RAD54B: variants seen among roughly 807,000 people sequenced by gnomAD.
RAD54B encodes DNA repair and recombination protein RAD54B.
RAD54B carries 78 observed loss-of-function variants against 95.8 expected under a neutral mutation model. That is an observed-to-expected ratio of 0.81 (90% confidence interval 0.68 to 0.98). The LOEUF (loss-of-function observed/expected upper bound fraction) is 0.98. RAD54B is among the 50% of genes least tolerant of loss of function. RAD54B has a pLI of 0.00. For missense variants in RAD54B, 957 were observed against 1,056.6 expected (o/e 0.91, Z 1.31); for synonymous variants, 328 against 354.9 (o/e 0.92, Z 0.85).
In RAD54B at chr8:94,378,279, C is replaced by A; in HGVS notation, c.2416G>T (p.Val806Leu). The change falls in exon 14 of 15, where the codon GTA (valine) becomes TTA (leucine). Residue 806 changes from valine to leucine, a missense_variant. By Grantham distance (32) the Val-to-Leu change is conservative. Coordinates refer to ENST00000336148, the MANE Select transcript of RAD54B (RefSeq NM_012415.3). ...GTGAACAAATTTTTAAGTTCTTCTA[C>A]TGAAAACTGAATATGTTCAGATGTC... ...TKTSEHIQFS[V>L]EELKNLFTLH... The A allele has an allele frequency of 6.2e-7, 1 of 1,613,708 alleles. No individual in the cohort carries two copies. The highest frequency in any genetic ancestry group is 8.5e-7 in the Non-Finnish European group (1 of 1,179,830).
At chr8:94,391,377 G>A (rs1811013772) in intron 10 of RAD54B, among the ~76,000 whole-genome samples, 1 of 150,592 alleles carries the variant, frequency 6.6e-6, no homozygotes, top group Non-Finnish European at 1.5e-5. Context: ...AACTATAGAA[G>A]GCAGTACCTC....
intron 14 of RAD54B, among the ~76,000 whole-genome samples, chr8:94,374,649 A>G (rs1318425832): frequency 6.6e-6 from 1 of 152,138 alleles, no homozygotes; most frequent in East Asian, 1.9e-4. Context: ...GACAAAATGA[A>G]AGCAAAAGGC....
At chr8:94,432,081 G>A in intron 3 of RAD54B, 1 of 1,486,788 alleles carries the variant, frequency 6.7e-7, no homozygotes, top group Non-Finnish European at 8.9e-7. Context: ...CCAAATTAAA[G>A]TAATTTGGCC....
chr8:94,372,071 A>G lies in RAD54B; in HGVS notation c.*99T>C. 1 of 1,470,630 alleles carries G rather than the reference A, an allele frequency of 6.8e-7. No homozygotes were observed. Among genetic ancestry groups the G allele is most frequent in the Non-Finnish European group, 9.0e-7 (1 of 1,116,912 alleles). The allele number at this position is 1,470,630 out of a possible 1,614,324, so 91.1% of individuals were successfully genotyped here. ...AAAAGTGATATATTTTGCAACATAT[A>G]CTGTAATTTAAATAATTCTATTAAT... is the stretch of plus-strand genomic sequence containing the variant. On this transcript the variant is annotated 3_prime_UTR_variant, in exon 15 of 15. Coordinates refer to ENST00000336148, the MANE Select transcript of RAD54B (RefSeq NM_012415.3).
At position 94,393,757 on chromosome 8, in the gene RAD54B, G is replaced by T. The variant is rs774551093; in HGVS notation, c.1504C>A (p.Pro502Thr). 2.5e-6 allele frequency: 4 copies of T among 1,579,900 alleles called. No homozygotes were observed. The highest frequency in any genetic ancestry group is 2.6e-6 in the Non-Finnish European group (3 of 1,151,794). The change falls in exon 9 of 15, where the codon CCT becomes ACT. Residue 502 changes from proline to threonine, a missense_variant. Transcript: ENST00000336148. Reference sequence around the variant, plus strand: ...GTAAATTATACCTCAGAAGCAGAAGGTTCTCTCGATAAAATGATGGGTTCT... The same window carrying T: ...GTAAATTATACCTCAGAAGCAGAAGTTTCTCTCGATAAAATGATGGGTTCT... ...YEEPIILSRE[P>T]SASEEEKELG...
chr8:94,439,374 A>G (rs545128574), intron 3 of RAD54B, among the ~76,000 whole-genome samples: 1 of 152,224 alleles, frequency 6.6e-6, no homozygotes, highest in African/African-American at 2.4e-5. Context: ...AAAGCATACA[A>G]TACATCCATA....
intron 3 of RAD54B, among the ~76,000 whole-genome samples, chr8:94,417,672 A>G (rs1189235932): frequency 6.6e-6 from 1 of 152,102 alleles, no homozygotes; most frequent in East Asian, 1.9e-4. Flanking sequence ...AAATAAAAGA[A>G]GAAGAAGAAG....
At chr8:94,470,666 G>A (rs796861041) in intron 1 of RAD54B, among the ~76,000 whole-genome samples, 35 of 152,034 alleles carry the variant, frequency 2.3e-4, no homozygotes, top group African/African-American at 8.0e-4. Context: ...GCTGAGGCAT[G>A]AGAATCGCTT....
At chr8:94,372,571 C>G (rs1482151061) in intron 14 of RAD54B, among the ~76,000 whole-genome samples, 184 bp from the exon 15 acceptor site, 1 of 152,150 alleles carries the variant, frequency 6.6e-6, no homozygotes, top group South Asian at 2.1e-4. Context: ...CTGATTTAAA[C>G]AGCAAAGGTA....
intron 3 of RAD54B, among the ~76,000 whole-genome samples, chr8:94,413,242 G>A (rs148399137): frequency 1.3e-3 from 191 of 152,206 alleles, no homozygotes; most frequent in African/African-American, 4.4e-3. Flanking sequence ...TAAAAGTAAC[G>A]TAGACTAACC....
chr8:94,431,795 T>A (rs550612098), intron 3 of RAD54B: 1 of 1,006,220 alleles, frequency 9.9e-7, no homozygotes, highest in South Asian at 4.4e-5. Context: ...TTCAAAGTTC[T>A]AACTAAAAAT....
chr8:94,377,540 T>C (rs1394744931), intron 14 of RAD54B, among the ~76,000 whole-genome samples: 1 of 69,694 alleles, frequency 1.4e-5, no homozygotes, highest in Admixed American at 2.4e-4. Context: ...CCAGACCCTG[T>C]CTTGGAAAAA....
chr8:94,391,748 T>C lies in RAD54B; in HGVS notation c.1670A>G (p.Glu557Gly), dbSNP rs1321861559. The C allele has an allele frequency of 6.2e-7, 1 of 1,613,908 alleles. No homozygotes were observed. Residue 557 changes from glutamate to glycine, a missense_variant, in exon 10 of 15, where the codon GAG (glutamate) becomes GGG (glycine). By Grantham distance (98) the Glu-to-Gly change is moderately conservative. Transcript: ENST00000336148. ...VFCRPGALQIELYRKLLNSQV... is the reference protein window; with the variant it reads ...VFCRPGALQIGLYRKLLNSQV... ...AGAATTTAACAGCTTTCGATAAAGCTCAATCTGTAGTGCTCCTGGTCGGCA... is the reference window on the plus strand; with the variant it reads ...AGAATTTAACAGCTTTCGATAAAGCCCAATCTGTAGTGCTCCTGGTCGGCA...
intron 14 of RAD54B, among the ~76,000 whole-genome samples, chr8:94,373,290 T>C (rs1466460463): frequency 6.6e-6 from 1 of 152,222 alleles, no homozygotes; most frequent in Non-Finnish European, 1.5e-5. Context: ...GGCTGGATTA[T>C]GCAAAACATG....
intron 3 of RAD54B, chr8:94,432,128 A>T: frequency 9.3e-6 from 14 of 1,511,400 alleles, no homozygotes; most frequent in Non-Finnish European, 1.1e-5. Flanking sequence ...TTGAAAAAAA[A>T]ACTTAGAGAC....
At chr8:94,392,006 C>A (rs1811034950) in intron 9 of RAD54B, 107 bp from the exon 10 acceptor site, 1 of 1,082,332 alleles carries the variant, frequency 9.2e-7, no homozygotes, top group South Asian at 1.6e-5. Context: ...TGCTTCCCAA[C>A]AAATTTTAAA....
At chr8:94,463,847 G>A (rs1222053760) in intron 2 of RAD54B, among the ~76,000 whole-genome samples, 1 of 148,998 alleles carries the variant, frequency 6.7e-6, no homozygotes, top group African/African-American at 2.5e-5. Context: ...CCTAGTAGGT[G>A]GAGGCTGCAG....
rs199511765 is a variant in RAD54B at position 94,376,212 on chromosome 8, C to T, written c.2515+1968G>A. Reference sequence around the variant, plus strand: ...TCTATAATTACCAAAGAATCCATATCATGTAGTTCTATTTCTGACTACAGA... The same window carrying T: ...TCTATAATTACCAAAGAATCCATATTATGTAGTTCTATTTCTGACTACAGA... On this transcript the variant is annotated intron_variant, in intron 14 of 14. Transcript: ENST00000336148. Among the ~76,000 whole-genome samples the T allele has an allele frequency of 2.7e-4, 41 of 152,238 alleles. No individual in the cohort carries two copies. In the East Asian group the frequency reaches 7.5e-3, roughly 28 times the overall value.
At chr8:94,468,913 T>C (rs1439487536) in intron 1 of RAD54B, among the ~76,000 whole-genome samples, 4 of 151,396 alleles carry the variant, frequency 2.6e-5, no homozygotes, top group Non-Finnish European at 4.4e-5. Flanking sequence ...TCCCTTGAGG[T>C]CAGGAGTTCA....
Sources: allele counts gnomAD v4.1 joint callset (sites outside exome capture counted in the v4.1 genomes callset), GRCh38; gene constraint gnomAD v4.1.1; transcripts MANE v1.5; gene names NCBI Gene and HGNC (gene_info 2026-07-23, HGNC 2026-07-21).